TXNDC12: variants seen among roughly 807,000 people sequenced by gnomAD.
TXNDC12 encodes the protein thioredoxin domain-containing protein 12.
TXNDC12 carries 22 observed loss-of-function variants against 24.2 expected under a neutral mutation model. The ratio of observed to expected loss-of-function variants is 0.91; its 90% CI spans 0.65 to 1.30. TXNDC12 has a LOEUF of 1.30. Ranked by LOEUF, TXNDC12 falls within the 50% of genes most tolerant of loss-of-function variation. The pLI, the probability that TXNDC12 is intolerant of heterozygous loss-of-function variation, is 0.00. For missense variants in TXNDC12, 184 were observed against 205.8 expected (o/e 0.89, Z 0.65); for synonymous variants, 58 against 73.4 (o/e 0.79, Z 1.07).
chr1:52,047,166 C>T (rs181169956), intron 1 of TXNDC12, among the ~76,000 whole-genome samples: 190 of 152,058 alleles, frequency 1.2e-3, no homozygotes, highest in Middle Eastern at 3.4e-3. Flanking sequence ...ATTGGTGAGT[C>T]GGTGAGAGGA....
At chr1:52,032,864 G>C in intron 2 of TXNDC12, 2 of 1,614,228 alleles carry the variant, frequency 1.2e-6, no homozygotes, top group Non-Finnish European at 1.7e-6. Flanking sequence ...GTACCAGGAA[G>C]CGTGAGCAAG....
chr1:52,027,385 A>G, intron 3 of TXNDC12, 37 bp from the exon 4 acceptor site: 1 of 1,430,088 alleles, frequency 7.0e-7, no homozygotes, highest in Non-Finnish European at 9.9e-7. Flanking sequence ...AAGAAAAAAC[A>G]TCATTGTCAC....
At chr1:52,052,059 A>G (rs192480384) in intron 1 of TXNDC12, among the ~76,000 whole-genome samples, 13 of 152,138 alleles carry the variant, frequency 8.5e-5, no homozygotes, top group African/African-American at 2.7e-4. Context: ...TTGTTTTTTG[A>G]TTGAATCCTC....
chr1:52,028,495 CAG>C, intron 3 of TXNDC12, 81 bp downstream of exon 3: 1 of 1,101,546 alleles, frequency 9.1e-7, no homozygotes, highest in Non-Finnish European at 1.4e-6. Flanking sequence ...AGTGCTGGGC[CAG>C]AGTCAGTGCC....
intron 1 of TXNDC12, among the ~76,000 whole-genome samples, chr1:52,046,894 T>TATATATATA (rs1686106030): frequency 6.9e-6 from 1 of 144,902 alleles, no homozygotes; most frequent in African/African-American, 2.6e-5. Context: ...TATATATATA[T>TATATATATA]TAGCCGGGTA....
At chr1:52,024,421 GTA>G in intron 5 of TXNDC12, 87 bp downstream of exon 5, 2 of 997,834 alleles carry the variant, frequency 2.0e-6, no homozygotes, top group South Asian at 2.7e-5. Flanking sequence ...GGTCATCCTG[GTA>G]TAGTTTCACT....
At chr1:52,033,660 C>T in intron 2 of TXNDC12, 1 of 1,611,316 alleles carries the variant, frequency 6.2e-7, no homozygotes. Flanking sequence ...CGTCGTCCAC[C>T]ACGTACACCG....
At chr1:52,028,547 T>C in intron 3 of TXNDC12, 31 bp downstream of exon 3, 1 of 1,585,996 alleles carries the variant, frequency 6.3e-7, no homozygotes, top group Non-Finnish European at 8.6e-7. Context: ...CACATCTGAG[T>C]TTTGAATTTA....
intron 6 of TXNDC12, 41 bp downstream of exon 6, chr1:52,023,450 C>CA: frequency 1.3e-6 from 2 of 1,517,414 alleles, no homozygotes; most frequent in Non-Finnish European, 1.8e-6. Context: ...CATCCTAGTT[C>CA]AATCTAGCAA....
chr1:52,033,918 C>T, intron 2 of TXNDC12: 1 of 1,430,716 alleles, frequency 7.0e-7, no homozygotes, highest in Non-Finnish European at 9.1e-7. Context: ...GCCAGCTAGG[C>T]CCAGGTTCAG....
intron 2 of TXNDC12, among the ~76,000 whole-genome samples, chr1:52,038,476 T>C (rs1391214990): frequency 6.6e-6 from 1 of 152,046 alleles, no homozygotes; most frequent in African/African-American, 2.4e-5. Context: ...ACCACCTAGC[T>C]AGTTTTTGTA....
chr1:52,028,649 A>G lies in TXNDC12; in HGVS notation c.159-19T>C, dbSNP rs1220905097. On this transcript the variant is annotated intron_variant, in intron 2 of 6. Coordinates refer to ENST00000371626, the MANE Select transcript of TXNDC12 (RefSeq NM_015913.4). ...CAGTCCACTTAAAAGCAAAACAAAGAAATTATAATCTAGTAATTCTACTTC... is the reference window on the plus strand; with the variant it reads ...CAGTCCACTTAAAAGCAAAACAAAGGAATTATAATCTAGTAATTCTACTTC... 1.9e-6 allele frequency: 3 copies of G among 1,584,958 alleles called. No individual in the cohort carries two copies. The highest frequency in any genetic ancestry group is 2.3e-5 in the South Asian group (2 of 88,412).
At chr1:52,044,915 C>T (rs1000848428) in intron 1 of TXNDC12, among the ~76,000 whole-genome samples, 5 of 150,906 alleles carry the variant, frequency 3.3e-5, no homozygotes, top group Admixed American at 6.6e-5. Flanking sequence ...GCAGAGTTTA[C>T]AGTGAGTTGA....
chr1:52,034,146 A>C, intron 2 of TXNDC12: 1 of 925,968 alleles, frequency 1.1e-6, no homozygotes, highest in Non-Finnish European at 1.4e-6. Flanking sequence ...CTCCTCTTAA[A>C]CCTACTGGCT....
At chr1:52,034,805 C>T (rs1685852543) in intron 2 of TXNDC12, among the ~76,000 whole-genome samples, 2 of 151,854 alleles carry the variant, frequency 1.3e-5, no homozygotes, top group South Asian at 4.2e-4. Flanking sequence ...GCTCTGTCAC[C>T]CAGCCTGGAC....
chr1:52,055,539 C>T (rs902702344), upstream of TXNDC12: 1 of 188,630 alleles, frequency 5.3e-6, no homozygotes, highest in African/African-American at 2.4e-5. Context: ...TCGCTCCCAA[C>T]AGTGGGCGGA....
intron 1 of TXNDC12, among the ~76,000 whole-genome samples, chr1:52,046,210 AG>A: frequency 6.6e-6 from 1 of 150,986 alleles, no homozygotes; most frequent in Non-Finnish European, 1.5e-5. Flanking sequence ...AAAAAAAAAA[AG>A]ACACAGTTTG....
intron 1 of TXNDC12, chr1:52,052,817 CTT>C (rs1686241754): frequency 6.6e-6 from 1 of 152,184 alleles, no homozygotes; most frequent in African/African-American, 2.4e-5. Context: ...AACACAGTAA[CTT>C]GAACAGAGCA....
intron 2 of TXNDC12, among the ~76,000 whole-genome samples, chr1:52,037,048 C>T (rs1398878379): frequency 6.6e-6 from 1 of 152,062 alleles, no homozygotes; most frequent in East Asian, 1.9e-4. Flanking sequence ...CGATATAATC[C>T]TCCTAAACTT....
Sources: gnomAD v4.1 joint callset for allele counts (sites outside exome capture counted in the v4.1 genomes callset) on GRCh38, gnomAD v4.1.1 for gene constraint, MANE v1.5 for transcripts, NCBI Gene and HGNC (gene_info 2026-07-23, HGNC 2026-07-21) for gene names.